ATP9B: variants seen among roughly 807,000 people sequenced by gnomAD.
ATP9B encodes probable phospholipid-transporting ATPase IIB.
ATP9B carries 110 observed loss-of-function variants against 146.1 expected under a neutral mutation model. The observed-to-expected ratio is 0.75, with a 90% CI of 0.65 to 0.88. ATP9B has a LOEUF of 0.88. ATP9B is among the 40% of genes least tolerant of loss of function. The pLI is 0.00. For missense variants in ATP9B, 1,499 were observed against 1,496.4 expected (o/e 1.00, Z -0.03); for synonymous variants, 604 against 569.7 (o/e 1.06, Z -0.86).
At chr18:79,341,595 G>A (rs1169064679) in intron 19 of ATP9B, among the ~76,000 whole-genome samples, 106 of 144,018 alleles carry the variant, frequency 7.4e-4, no homozygotes, top group African/African-American at 2.6e-3. Flanking sequence ...CTGTGTTGCC[G>A]ACACACCATT....
At chr18:79,314,875 GA>G (rs2096671059) in intron 15 of ATP9B, among the ~76,000 whole-genome samples, 1 of 152,238 alleles carries the variant, frequency 6.6e-6, no homozygotes, top group South Asian at 2.1e-4. Flanking sequence ...GAGAAGGACA[GA>G]AGCTCGGTGG....
chr18:79,140,863 A>T (rs2094505636), intron 5 of ATP9B, among the ~76,000 whole-genome samples: 1 of 152,186 alleles, frequency 6.6e-6, no homozygotes, highest in Non-Finnish European at 1.5e-5. Context: ...TTTGTTGTTC[A>T]TGGGAACAAG....
intron 12 of ATP9B, among the ~76,000 whole-genome samples, chr18:79,271,816 T>C (rs1168665359): frequency 6.6e-6 from 1 of 152,176 alleles, no homozygotes; most frequent in Non-Finnish European, 1.5e-5. Flanking sequence ...ATCACCACAC[T>C]GACTTCCACA....
rs543723457 is a variant in ATP9B, at chr18:79,265,644, G to A, written c.1269-11410G>A. Among the ~76,000 whole-genome samples the A allele has an allele frequency of 4.3e-4, 66 of 152,122 alleles. No homozygotes were observed. The Middle Eastern group carries it at 0.01, about 24-fold the overall frequency. On this transcript the variant is annotated intron_variant, in intron 12 of 29. Transcript: ENST00000426216. Reference sequence around the variant, plus strand: ...AAAATTTTCTCCCACTCTGTAGGTTGTCTGTTCACTCTGCTGTTAAGTTTT... The same window carrying A: ...AAAATTTTCTCCCACTCTGTAGGTTATCTGTTCACTCTGCTGTTAAGTTTT...
Position 79,143,959 on chromosome 18 carries a change from G to A in ATP9B, c.726+99G>A, listed in dbSNP as rs551962543. ...CTGAATTTGAAAGAAATTGAGACAT[G>A]TATTTTGAATCATAATATCCTTGTG... is the stretch of plus-strand genomic sequence containing the variant. On this transcript the variant is annotated intron_variant, in intron 6 of 29. Transcript: ENST00000426216. 1.6e-4 allele frequency: 110 copies of A among 679,804 alleles called. No homozygotes were observed. The South Asian group carries it at 3.1e-3, about 19-fold the overall frequency. 42.1% of individuals were successfully genotyped at this position (679,804 alleles called of 1,614,324 possible).
intron 1 of ATP9B, among the ~76,000 whole-genome samples, chr18:79,094,405 C>CA (rs2074611753): frequency 6.6e-6 from 1 of 152,154 alleles, no homozygotes; most frequent in Non-Finnish European, 1.5e-5. Context: ...GGTTTTCTCT[C>CA]AGAGTTTTAG....
intron 2 of ATP9B, among the ~76,000 whole-genome samples, chr18:79,097,793 T>G (rs2074926689): frequency 6.9e-6 from 1 of 145,930 alleles, no homozygotes; most frequent in African/African-American, 2.7e-5. Context: ...ACATTTGGGT[T>G]GGTTCCAAGT....
At chr18:79,309,370 C>G (rs1599847065) in intron 15 of ATP9B, among the ~76,000 whole-genome samples, 1 of 143,290 alleles carries the variant, frequency 7.0e-6, no homozygotes, top group Non-Finnish European at 1.5e-5. Flanking sequence ...GAGGAGTGAT[C>G]CCCAGCAGGT....
At chr18:79,188,425 A>C (rs1447948326) in intron 8 of ATP9B, among the ~76,000 whole-genome samples, 3 of 152,164 alleles carry the variant, frequency 2.0e-5, no homozygotes, top group Admixed American at 2.0e-4. Flanking sequence ...CCTTGTTAGA[A>C]GTTATAATCA....
chr18:79,210,492 G>C (rs961601448), intron 10 of ATP9B, among the ~76,000 whole-genome samples: 29 of 152,328 alleles, frequency 1.9e-4, no homozygotes, highest in African/African-American at 2.6e-4. Context: ...CTGTGTCTCT[G>C]TGTCCTGGCT....
chr18:79,344,951 C>G (rs2096878300), intron 21 of ATP9B, among the ~76,000 whole-genome samples: 1 of 152,194 alleles, frequency 6.6e-6, no homozygotes, highest in South Asian at 2.1e-4. Flanking sequence ...CTGGTGGGAG[C>G]CTCCCCCTGC....
chr18:79,341,496 G>T (rs3933094), intron 19 of ATP9B, among the ~76,000 whole-genome samples: 1,570 of 11,414 alleles, frequency 0.14, 5 homozygotes, highest in Middle Eastern at 0.25. Context: ...GTTGTGGTTG[G>T]ATGTGTGTAG....
chr18:79,244,287 T>C (rs1340676806), intron 11 of ATP9B, among the ~76,000 whole-genome samples: 5 of 152,158 alleles, frequency 3.3e-5, no homozygotes, highest in Non-Finnish European at 2.9e-5. Context: ...AAGGACTCAC[T>C]TTGCTTGTGG....
intron 5 of ATP9B, among the ~76,000 whole-genome samples, chr18:79,138,925 G>A (rs9954433): frequency 0.27 from 40,776 of 151,894 alleles, 5,893 homozygotes; most frequent in East Asian, 0.5. Context: ...AAAATTAGCC[G>A]AGTGTGGTGG....
intron 12 of ATP9B, among the ~76,000 whole-genome samples, chr18:79,264,070 G>A (rs1053956282): frequency 2.6e-5 from 4 of 152,090 alleles, no homozygotes; most frequent in Non-Finnish European, 2.9e-5. Flanking sequence ...AGGCGACAGT[G>A]TAAGACTCTG....
At chr18:79,142,643 C>T (rs1048073741) in intron 5 of ATP9B, among the ~76,000 whole-genome samples, 22 of 152,102 alleles carry the variant, frequency 1.4e-4, no homozygotes, top group Non-Finnish European at 3.1e-4. Context: ...TTTTAAAGCT[C>T]AGTTAAGATT....
At chr18:79,235,259 C>T (rs2095830477) in intron 11 of ATP9B, among the ~76,000 whole-genome samples, 1 of 152,152 alleles carries the variant, frequency 6.6e-6, no homozygotes, top group South Asian at 2.1e-4. Context: ...GACATTAAGT[C>T]CAGTTTTACT....
In ATP9B at chr18:79,337,500, A is replaced by G. The variant is rs749250570; in HGVS notation, c.2283+51A>G. 9 of 1,575,454 alleles carry G rather than the reference A, an allele frequency of 5.7e-6. No individual in the cohort carries two copies. The South Asian group carries it at 7.9e-5, about 14-fold the overall frequency. ...GCGCGCTGCTTTTGCTGAAGCAAACAGTGCTTTTCCTTGGGCATGGTGATT... is the reference window on the plus strand; with the variant it reads ...GCGCGCTGCTTTTGCTGAAGCAAACGGTGCTTTTCCTTGGGCATGGTGATT... On this transcript the variant is annotated intron_variant, in intron 19 of 29. Coordinates refer to ENST00000426216, the MANE Select transcript of ATP9B (RefSeq NM_198531.5).
At chr18:79,135,126 A>G (rs943262419) in intron 5 of ATP9B, among the ~76,000 whole-genome samples, 4 of 152,204 alleles carry the variant, frequency 2.6e-5, no homozygotes, top group Admixed American at 2.0e-4. Flanking sequence ...TTGTTGTCCA[A>G]GGACTCAGAA....
Sources: allele counts gnomAD v4.1 joint callset (sites outside exome capture counted in the v4.1 genomes callset), GRCh38; gene constraint gnomAD v4.1.1; transcripts MANE v1.5; gene names NCBI Gene and HGNC (gene_info 2026-07-23, HGNC 2026-07-21).